Variants in CCDC149 observed in about 807,000 individuals in gnomAD.
The protein encoded by CCDC149 is coiled-coil domain containing 149.
Under a neutral mutation model 59.9 loss-of-function variants are expected in CCDC149, and 45 were observed. The observed-to-expected ratio is 0.75, with a 90% CI of 0.59 to 0.96. The LOEUF (loss-of-function observed/expected upper bound fraction) is 0.96. CCDC149 is among the 40% of genes least tolerant of loss of function. The probability of loss-of-function intolerance (pLI) is 0.00; values close to 1 mark genes in which losing one functional copy is unlikely to be tolerated. For synonymous variants in CCDC149, 245 were observed against 260.6 expected, an observed-to-expected ratio of 0.94 and a Z score of 0.58; for missense variants, 584 against 664.7, an observed-to-expected ratio of 0.88 and a Z score of 1.33.
intron 1 of CCDC149, among the ~76,000 whole-genome samples, chr4:24,881,996 C>A (rs1270374765): frequency 1.3e-5 from 2 of 152,086 alleles, no homozygotes; most frequent in African/African-American, 4.8e-5. Context: ...GCCCCACCCC[C>A]AAAAATCAGA....
intron 6 of CCDC149, among the ~76,000 whole-genome samples, chr4:24,836,840 AACATTAAGTTAGACAC>A (rs1319489628): frequency 3.3e-5 from 5 of 152,182 alleles, no homozygotes; most frequent in African/African-American, 4.8e-5. Context: ...CACCAGACAT[AACATTAAGTTAGACAC>A]ACACACACTG....
At chr4:24,885,689 T>A (rs1201016696) in intron 1 of CCDC149, among the ~76,000 whole-genome samples, 1 of 152,188 alleles carries the variant, frequency 6.6e-6, no homozygotes, top group Non-Finnish European at 1.5e-5. Context: ...AGACAAACAC[T>A]TTATCCTCCT....
chr4:24,842,336 C>T (rs887267792), intron 4 of CCDC149, among the ~76,000 whole-genome samples: 2 of 152,208 alleles, frequency 1.3e-5, no homozygotes, highest in African/African-American at 4.8e-5. Context: ...GGAAGTCCCA[C>T]CTTTCTTCTA....
chr4:24,877,293 C>T (rs997509612), intron 1 of CCDC149, among the ~76,000 whole-genome samples: 1 of 152,076 alleles, frequency 6.6e-6, no homozygotes, highest in African/African-American at 2.4e-5. Flanking sequence ...TCAAGTAATT[C>T]TTTCACCTTA....
intron 1 of CCDC149, among the ~76,000 whole-genome samples, chr4:24,889,324 G>C (rs16876329): frequency 0.12 from 17,669 of 152,136 alleles, 1,134 homozygotes; most frequent in African/African-American, 0.17. Flanking sequence ...AAACGGGCTA[G>C]GAAACCACCT....
chr4:24,860,735 A>C (rs1718325549), intron 3 of CCDC149, among the ~76,000 whole-genome samples: 1 of 152,202 alleles, frequency 6.6e-6, no homozygotes, highest in African/African-American at 2.4e-5. Context: ...CAAGGAACTC[A>C]AGCAAATCTG....
chr4:24,848,983 T>G (rs1378412080), intron 4 of CCDC149, among the ~76,000 whole-genome samples: 1 of 152,184 alleles, frequency 6.6e-6, no homozygotes, highest in Non-Finnish European at 1.5e-5. Context: ...TCTTGGGAAG[T>G]ATCCCCCAGA....
At chr4:24,976,046 A>C in intron 1 of CCDC149, among the ~76,000 whole-genome samples, 2 of 100,736 alleles carry the variant, frequency 2.0e-5, no homozygotes, top group East Asian at 6.5e-4. Context: ...GGAGGGGGGA[A>C]GGGAGGGAAG....
At chr4:24,956,083 A>C (rs1236186987) in intron 1 of CCDC149, among the ~76,000 whole-genome samples, 1 of 152,208 alleles carries the variant, frequency 6.6e-6, no homozygotes, top group Non-Finnish European at 1.5e-5. Flanking sequence ...CCCAATTGTT[A>C]GACTACTGAG....
chr4:24,812,723 G>C (rs1421068674), intron 12 of CCDC149, among the ~76,000 whole-genome samples: 3 of 152,200 alleles, frequency 2.0e-5, no homozygotes, highest in Admixed American at 1.3e-4. Context: ...CACATGGCTG[G>C]GGAGGCCTCA....
At chr4:24,885,098 G>A (rs552482675) in intron 1 of CCDC149, among the ~76,000 whole-genome samples, 2 of 152,310 alleles carry the variant, frequency 1.3e-5, no homozygotes, top group African/African-American at 4.8e-5. Context: ...GTGGTGGAGG[G>A]TGGGAGTACA....
chr4:24,803,719 A>T (rs1405069007), downstream of CCDC149, among the ~76,000 whole-genome samples: 5 of 152,250 alleles, frequency 3.3e-5, no homozygotes, highest in Admixed American at 3.3e-4. This position sits in a 1 kb window ranked among gnomAD's most constrained non-coding sequence, Gnocchi z 4.3. Context: ...CTCTGCTAAG[A>T]TCCCCAAATA....
chr4:24,898,880 T>C (rs554498182), intron 1 of CCDC149, among the ~76,000 whole-genome samples: 3 of 152,132 alleles, frequency 2.0e-5, no homozygotes, highest in Admixed American at 6.5e-5. Context: ...TTATAGGGCA[T>C]GGAATGATCT....
rs1358964349 is a variant in CCDC149 at position 24,808,209 on chromosome 4, A to C, written c.*180T>G. 2.2e-6 allele frequency: 1 copy of C among 463,466 alleles called. No individual in the cohort carries two copies. The highest frequency in any genetic ancestry group is 2.0e-5 in the African/African-American group (1 of 50,230). 28.7% of individuals were successfully genotyped at this position (463,466 alleles called of 1,614,324 possible). Reference sequence around the variant, plus strand: ...AGAAGCTTGAGGACCTACATTTAATAAATCAAACTGTACTGGCATCATCAG... The same window carrying C: ...AGAAGCTTGAGGACCTACATTTAATCAATCAAACTGTACTGGCATCATCAG... On this transcript the variant is annotated 3_prime_UTR_variant, in exon 13 of 13. Transcript: ENST00000635206.
Position 24,922,934 on chromosome 4 carries a change from T to C in CCDC149, c.-64-27816A>G, listed in dbSNP as rs544628693. ...TTAGATTTTCTTTTTTTTTTATTGA[T>C]TTTCCATTTTTAGCACAAGATTGAT... On this transcript the variant is annotated intron_variant, in intron 1 of 12. Coordinates refer to the CCDC149 transcript ENST00000389609. 2.6e-5 allele frequency among the ~76,000 whole-genome samples: 4 copies of C among 152,248 alleles called. No individual in the cohort carries two copies. The East Asian group carries it at 7.7e-4, about 29-fold the overall frequency.
At position 24,837,535 on chromosome 4, in the gene CCDC149, G is replaced by A. The variant is rs1452901883; in HGVS notation, c.490-135C>T. The A allele has an allele frequency of 2.1e-5, 15 of 711,652 alleles. No individual in the cohort carries two copies. Among genetic ancestry groups the A allele is most frequent in the South Asian group, 1.7e-4 (9 of 52,290 alleles). The allele number at this position is 711,652 out of a possible 1,614,324, so 44.1% of individuals were successfully genotyped here. On this transcript the variant is annotated intron_variant, in intron 5 of 12. Transcript: ENST00000635206. This position sits in a 1 kb window ranked among gnomAD's most constrained non-coding sequence, Gnocchi z 4.3. ...CTACCCGCATGCCCTAAAGCCATAA[G>A]CGCCACACACTGAAATACAATAACA...
rs150008554 is a variant in CCDC149, at chr4:24,899,263, A to C, written c.63+13554T>G. Among the ~76,000 whole-genome samples the C allele has an allele frequency of 2.6e-5, 4 of 152,288 alleles. No homozygotes were observed. In the East Asian group the frequency reaches 7.7e-4, roughly 30 times the overall value. Reference sequence around the variant, plus strand: ...GAATTAGAATCGGGTTGGGAGGTGTAAGTTGGGAAGAAGAATCAAGGTAGA... The same window carrying C: ...GAATTAGAATCGGGTTGGGAGGTGTCAGTTGGGAAGAAGAATCAAGGTAGA... On this transcript the variant is annotated intron_variant, in intron 1 of 12. Coordinates refer to ENST00000635206, the MANE Select transcript of CCDC149 (RefSeq NM_001330643.2).
At chr4:24,956,550 T>A (rs1056377240) in intron 1 of CCDC149, among the ~76,000 whole-genome samples, 19 of 152,136 alleles carry the variant, frequency 1.2e-4, no homozygotes, top group African/African-American at 4.1e-4. Flanking sequence ...GGGCCCTCCA[T>A]GCCTATTATA....
chr4:24,852,613 G>A (rs1044808207), intron 4 of CCDC149, among the ~76,000 whole-genome samples: 3 of 152,118 alleles, frequency 2.0e-5, no homozygotes, highest in African/African-American at 7.2e-5. Context: ...TTTGAGCAAT[G>A]TTCCATACAA....
Sources: allele counts gnomAD v4.1 joint callset (sites outside exome capture counted in the v4.1 genomes callset), GRCh38; gene constraint gnomAD v4.1.1; non-coding constraint Gnocchi (gnomAD v3.1); transcripts MANE v1.5; gene names NCBI Gene and HGNC (gene_info 2026-07-23, HGNC 2026-07-21).